FGFR1: variants seen among roughly 807,000 people sequenced by gnomAD.
FGFR1 encodes the protein FGFR1/PLAG1 fusion.
FGFR1 carries 18 observed loss-of-function variants against 93.7 expected under a neutral mutation model. That is an observed-to-expected ratio of 0.19 (90% CI 0.13 to 0.28). FGFR1 has a LOEUF of 0.28. Among genes scored for constraint, FGFR1 ranks in the 10% least tolerant of loss-of-function variants. The probability of loss-of-function intolerance (pLI) is 1.00; values close to 1 mark genes in which losing one functional copy is unlikely to be tolerated. For synonymous variants in FGFR1, 448 were observed against 429.3 expected, an observed-to-expected ratio of 1.04 and a Z score of -0.54; for missense variants, 731 against 1,080.4, an observed-to-expected ratio of 0.68 and a Z score of 4.53.
At chr8:38,462,369 T>C (rs1834588209) in intron 1 of FGFR1, among the ~76,000 whole-genome samples, 1 of 151,790 alleles carries the variant, frequency 6.6e-6, no homozygotes, top group Non-Finnish European at 1.5e-5. Flanking sequence ...CTGCGTGCAG[T>C]GGCGCGCGCC....
intron 2 of FGFR1, among the ~76,000 whole-genome samples, chr8:38,448,497 G>C (rs1047283665): frequency 1.3e-5 from 2 of 152,086 alleles, no homozygotes; most frequent in Non-Finnish European, 2.9e-5. Flanking sequence ...CCAGTGCTGG[G>C]ATTACAGGAG....
chr8:38,451,899 C>A (rs1048790659), intron 2 of FGFR1, among the ~76,000 whole-genome samples: 2 of 152,116 alleles, frequency 1.3e-5, no homozygotes, highest in Non-Finnish European at 2.9e-5. Flanking sequence ...GCACCCTCTG[C>A]AAGCTCAGAA....
chr8:38,412,711 C>CAT lies in FGFR1; in HGVS notation c.*915_*916dup. The CAT allele has an allele frequency of 4.3e-6, 1 of 233,502 alleles. No individual in the cohort carries two copies. Among genetic ancestry groups the CAT allele is most frequent in the Admixed American group, 5.6e-5 (1 of 17,796 alleles). 14.5% of individuals were successfully genotyped at this position (233,502 alleles called of 1,614,324 possible). A position where few individuals can be genotyped will look rare whatever the true frequency, so the allele number is the denominator to read the frequency against. ...TTCCAGTGGACATTCCCACCCTTTTCATACAGCCCATAGATAAATGAAGCA... is the reference window on the plus strand; with the variant it reads ...TTCCAGTGGACATTCCCACCCTTTTCATATACAGCCCATAGATAAATGAAGCA... On this transcript the variant is annotated 3_prime_UTR_variant, in exon 18 of 18. Coordinates refer to ENST00000447712, the MANE Select transcript of FGFR1 (RefSeq NM_023110.3).
Position 38,468,323 on chromosome 8 carries a change from GC to G in FGFR1, c.-432del. On this transcript the variant is annotated 5_prime_UTR_variant, in exon 1 of 18. Coordinates refer to ENST00000447712, the MANE Select transcript of FGFR1 (RefSeq NM_023110.3). Reference sequence around the variant, plus strand: ...GACCGGGCTCCATCGCCCTGCGGAGGCCCCGGCGCCGCGGCGTGCCCGACTG... The same window carrying G: ...GACCGGGCTCCATCGCCCTGCGGAGGCCCGGCGCCGCGGCGTGCCCGACTG... The G allele has an allele frequency of 4.4e-6, 1 of 228,046 alleles. No homozygotes were observed. Among genetic ancestry groups the G allele is most frequent in the Non-Finnish European group, 8.7e-6 (1 of 114,574 alleles). 14.1% of individuals were successfully genotyped at this position (228,046 alleles called of 1,614,324 possible).
rs2150754128 is a variant in FGFR1 at position 38,421,841 on chromosome 8, G to C, written c.1037C>G (p.Ser346Cys). 6.2e-7 allele frequency: 1 copy of C among 1,614,120 alleles called. No homozygotes were observed. Among genetic ancestry groups the C allele is most frequent in the Non-Finnish European group, 8.5e-7 (1 of 1,179,998 alleles). Residue 346 changes from serine (S) to cysteine (C), a missense_variant, in exon 8 of 18, where the codon TCT (serine) becomes TGT (cysteine). Coordinates refer to ENST00000447712, the MANE Select transcript of FGFR1 (RefSeq NM_023110.3). ...AGEYTCLAGN[S>C]IGLSHHSAWL... ...TGCAGAGTGATGGGAGAGTCCGATA[G>C]AGTTACCCGCCAAGCACGTATACTC... is the stretch of plus-strand genomic sequence containing the variant.
chr8:38,421,630 G>A (rs747684644), intron 8 of FGFR1, 167 bp downstream of exon 8: 25 of 762,054 alleles, frequency 3.3e-5, no homozygotes, highest in Non-Finnish European at 5.5e-5. Context: ...TCTTCTCTGA[G>A]CTGAGAGGAT....
At chr8:38,438,670 C>T (rs1586524724) in intron 2 of FGFR1, among the ~76,000 whole-genome samples, 1 of 152,120 alleles carries the variant, frequency 6.6e-6, no homozygotes, top group Admixed American at 6.6e-5. Flanking sequence ...ACACAGGTAG[C>T]CTGGTTCTCC....
At chr8:38,461,079 G>C (rs2151425241) in intron 1 of FGFR1, 1 of 1,536,000 alleles carries the variant, frequency 6.5e-7, no homozygotes, top group East Asian at 2.4e-5. Flanking sequence ...CTCATCAGAG[G>C]GGGCTGAAAT....
rs1056905372 is a variant in FGFR1 at position 38,424,190 on chromosome 8, G to A, written c.936+319C>T. ...CTTGGTGGAAAGGCTCTGGTTTCGG[G>A]CAATGAAAAGGCAGGGGTCCAAATG... On this transcript the variant is annotated intron_variant, in intron 7 of 17. Transcript: ENST00000447712. The surrounding 1 kb of genome is among the most constrained non-coding windows in gnomAD (Gnocchi z 4.3). 3 of 491,980 alleles carry A rather than the reference G, an allele frequency of 6.1e-6. No individual in the cohort carries two copies. The highest frequency in any genetic ancestry group is 3.0e-5 in the Admixed American group (1 of 32,792). The allele number at this position is 491,980 out of a possible 1,614,324, so 30.5% of individuals were successfully genotyped here. A position where few individuals can be genotyped will look rare whatever the true frequency, so the allele number is the denominator to read the frequency against.
Position 38,418,009 on chromosome 8 carries a change from G to C in FGFR1, c.1431-18C>G, listed in dbSNP as rs894140639. 6 of 1,614,030 alleles carry C rather than the reference G, an allele frequency of 3.7e-6. No homozygotes were observed. In the African/African-American group the frequency reaches 5.3e-5, roughly 14 times the overall value. On this transcript the variant is annotated intron_variant, in intron 10 of 17. Coordinates refer to ENST00000447712, the MANE Select transcript of FGFR1 (RefSeq NM_023110.3). ...AGACCAGTCTTTCGGGGGAAACAGA[G>C]AGTGGCATAAGTTGGGGCTGGTGAA...
At position 38,414,193 on chromosome 8, in the gene FGFR1, C is replaced by T. The variant is rs778281261; in HGVS notation, c.2145G>A (p.Glu715=). The T allele has an allele frequency of 5.0e-6, 8 of 1,614,188 alleles. No individual in the cohort carries two copies. The East Asian group carries it at 1.6e-4, about 31-fold the overall frequency. Reference sequence around the variant, plus strand: ...TACTGGGCTTGTCCATGCGGTGACCCTCCTTCAGCAGCTTGAAAAGTTCCT... The same window carrying T: ...TACTGGGCTTGTCCATGCGGTGACCTTCCTTCAGCAGCTTGAAAAGTTCCT... The part of the protein sequence containing the change: ...PVEELFKLLK[E]GHRMDKPSNC... The change falls in exon 16 of 18, where the codon GAG becomes GAA. Residue 715 remains glutamate, a synonymous_variant. Transcript: ENST00000447712.
At position 38,441,064 on chromosome 8, in the gene FGFR1, G is replaced by A. The variant is rs1023029960; in HGVS notation, c.92-11116C>T. 2.0e-5 allele frequency among the ~76,000 whole-genome samples: 3 copies of A among 150,476 alleles called. No individual in the cohort carries two copies. The Admixed American group carries it at 2.0e-4, about 10-fold the overall frequency. On this transcript the variant is annotated intron_variant, in intron 2 of 17. Coordinates refer to ENST00000447712, the MANE Select transcript of FGFR1 (RefSeq NM_023110.3). ...AGCCAGGACCCTGCACCCGCCCCGA[G>A]ACCCCCCAAAAACAGATCCCCCCGA...
chr8:38,422,518 CT>C (rs1360226286), intron 7 of FGFR1, among the ~76,000 whole-genome samples: 15 of 152,126 alleles, frequency 9.9e-5, no homozygotes, highest in African/African-American at 3.6e-4. Flanking sequence ...ATCCTCCTGC[CT>C]CAGCCTTCAG....
At chr8:38,452,372 A>G (rs1831371119) in intron 2 of FGFR1, among the ~76,000 whole-genome samples, 1 of 151,972 alleles carries the variant, frequency 6.6e-6, no homozygotes, top group African/African-American at 2.4e-5. Flanking sequence ...TCTTTTTTTT[A>G]AAGACAGGGT....
chr8:38,414,399 G>A, intron 15 of FGFR1, 110 bp from the exon 16 acceptor site: 1 of 1,572,756 alleles, frequency 6.4e-7, no homozygotes, highest in Non-Finnish European at 8.7e-7. Flanking sequence ...GAACAGATCA[G>A]CCTTTCAACA....
At chr8:38,418,851 G>A (rs1586187869) in intron 9 of FGFR1, among the ~76,000 whole-genome samples, 1 of 152,334 alleles carries the variant, frequency 6.6e-6, no homozygotes, top group Admixed American at 6.5e-5. Flanking sequence ...GTATGGCTGA[G>A]ATGGTTTGGC....
At chr8:38,416,501 G>C (rs1409658911) in intron 12 of FGFR1, among the ~76,000 whole-genome samples, 1 of 122,320 alleles carries the variant, frequency 8.2e-6, no homozygotes, top group African/African-American at 3.2e-5. Context: ...CGTTGCCCAA[G>C]CTGGAGTGCA....
At chr8:38,419,773 G>C (rs1382772219) in intron 8 of FGFR1, 38 bp from the exon 9 acceptor site, 1 of 1,590,500 alleles carries the variant, frequency 6.3e-7, no homozygotes, top group African/African-American at 1.3e-5. Flanking sequence ...AGGCTTGGAG[G>C]GCCCCGTCCA....
Position 38,429,138 on chromosome 8 carries a change from TC to T in FGFR1, c.358+543del, listed in dbSNP as rs1821871253. 2 of 363,394 alleles carry T rather than the reference TC, an allele frequency of 5.5e-6. No individual in the cohort carries two copies. The highest frequency in any genetic ancestry group is 1.1e-5 in the Non-Finnish European group (2 of 183,300). 22.5% of individuals were successfully genotyped at this position (363,394 alleles called of 1,614,324 possible). On this transcript the variant is annotated intron_variant, in intron 3 of 17. Coordinates refer to ENST00000447712, the MANE Select transcript of FGFR1 (RefSeq NM_023110.3). This position sits in a 1 kb window ranked among gnomAD's most constrained non-coding sequence, Gnocchi z 4.4. ...GCATAAAGAAAATTTCAGCTCCACT[TC>T]CTCAACTCCTAGTTTTGTGAAAGTC...
Sources: gnomAD v4.1 joint callset for allele counts (sites outside exome capture counted in the v4.1 genomes callset) on GRCh38, gnomAD v4.1.1 for gene constraint, Gnocchi (gnomAD v3.1) non-coding constraint, MANE v1.5 for transcripts, NCBI Gene and HGNC (gene_info 2026-07-23, HGNC 2026-07-21) for gene names.